The following PCM1 variants were observed in gnomAD, a reference collection of about 807,000 sequenced individuals.
PCM1 encodes pericentriolar material 1, also known as pericentriolar material 1 protein.
In PCM1, 157 loss-of-function variants were observed where a neutral mutation model predicts 241.9. That is an observed-to-expected ratio of 0.65 (90% confidence interval 0.57 to 0.74). PCM1 has a LOEUF of 0.74. Ranked by LOEUF, PCM1 falls within the 30% of genes least tolerant of loss-of-function variation. PCM1 has a pLI of 0.00. For missense variants in PCM1, 3,478 were observed against 2,360.1 expected (o/e 1.47, Z -9.81); for synonymous variants, 1,085 against 784.9 (o/e 1.38, Z -6.39).
chr8:17,972,117 G>T (rs778445825), intron 22 of PCM1, among the ~76,000 whole-genome samples: 1 of 152,170 alleles, frequency 6.6e-6, no homozygotes, highest in Non-Finnish European at 1.5e-5. Context: ...AGTAAAAGTG[G>T]TTTAGTGAGA....
At chr8:18,011,086 ACTT>A in intron 32 of PCM1, 148 bp from the exon 33 acceptor site, 1 of 531,136 alleles carries the variant, frequency 1.9e-6, no homozygotes, top group Non-Finnish European at 3.1e-6. Context: ...TTTTCCTGAC[ACTT>A]TTTTATTTTA....
In PCM1 at chr8:18,011,467, A is replaced by G. The variant is rs528491646; in HGVS notation, c.5350+101A>G. The G allele has an allele frequency of 2.2e-5, 26 of 1,184,806 alleles. No homozygotes were observed. The African/African-American group carries it at 3.3e-4, about 15-fold the overall frequency. 73.4% of individuals were successfully genotyped at this position (1,184,806 alleles called of 1,614,324 possible). A position where few individuals can be genotyped will look rare whatever the true frequency, so the allele number is the denominator to read the frequency against. ...GTAACAAGTATAAAATTAAGTGTCA[A>G]AGAACTCTGATTTTGAATTTCACTG... On this transcript the variant is annotated intron_variant, in intron 33 of 38. Coordinates refer to ENST00000325083, the MANE Select transcript of PCM1 (RefSeq NM_006197.4).
chr8:17,952,588 A>G (rs749956285), intron 8 of PCM1, among the ~76,000 whole-genome samples: 1 of 152,216 alleles, frequency 6.6e-6, no homozygotes, highest in Non-Finnish European at 1.5e-5. Context: ...AAAATATAAC[A>G]GCTATTTACA....
chr8:18,004,567 TAA>T (rs1378214905), intron 29 of PCM1, among the ~76,000 whole-genome samples: 3 of 152,208 alleles, frequency 2.0e-5, no homozygotes, highest in Non-Finnish European at 4.4e-5. Flanking sequence ...CTGAGGCCAG[TAA>T]AGAGTAGAAC....
chr8:17,967,309 T>C (rs2075247695), intron 21 of PCM1, 139 bp downstream of exon 21: 1 of 626,154 alleles, frequency 1.6e-6, no homozygotes. Flanking sequence ...CAAACTCTTT[T>C]TTTTTTTTTT....
intron 1 of PCM1, among the ~76,000 whole-genome samples, 188 bp downstream of exon 1, chr8:17,923,376 G>A (rs571298931): frequency 6.6e-6 from 1 of 152,340 alleles, no homozygotes; most frequent in African/African-American, 2.4e-5. Flanking sequence ...GCTCCCTCAG[G>A]ACTGATCGCC....
rs1423576232 is a variant in PCM1, at chr8:17,938,807, A to G, written c.410A>G (p.Asn137Ser). The stretch of plus-strand genomic sequence containing the variant: ...AACAACAAACGTCAGCTTAGTGAAA[A>G]CCGAAAGCCCTTCAACTTTTTGCCT... ...AANNKRQLSENRKPFNFLPMQ... is the reference protein window; with the variant it reads ...AANNKRQLSESRKPFNFLPMQ... The change falls in exon 5 of 39, where the codon AAC (asparagine) becomes AGC (serine). Residue 137 changes from asparagine to serine, a missense_variant. Physicochemically the swap from Asn to Ser is conservative, Grantham distance 46. Transcript: ENST00000325083. 6.2e-7 allele frequency: 1 copy of G among 1,613,226 alleles called. No individual in the cohort carries two copies. Among genetic ancestry groups the G allele is most frequent in the South Asian group, 1.1e-5 (1 of 91,078 alleles).
At chr8:17,970,103 A>G (rs1412225919) in intron 22 of PCM1, among the ~76,000 whole-genome samples, 1 of 152,020 alleles carries the variant, frequency 6.6e-6, no homozygotes, top group African/African-American at 2.4e-5. Context: ...TTTGATTCCT[A>G]GCTCTTGATT....
chr8:17,976,038 C>T (rs2078650883), intron 23 of PCM1, among the ~76,000 whole-genome samples: 1 of 152,160 alleles, frequency 6.6e-6, no homozygotes, highest in Non-Finnish European at 1.5e-5. Flanking sequence ...TGTTAAGGTA[C>T]AGCCTTCTGG....
At chr8:18,026,356 C>T (rs1216085039) in intron 38 of PCM1, among the ~76,000 whole-genome samples, 12 of 146,204 alleles carry the variant, frequency 8.2e-5, no homozygotes, top group East Asian at 2.1e-4. Context: ...CTCCCAGGTT[C>T]GCGCCATTCT....
rs1241299705 is a variant in PCM1, at chr8:17,991,683, C to G, written c.4673C>G (p.Thr1558Arg). Residue 1558 changes from threonine to arginine, a missense_variant, in exon 28 of 39, where the codon ACA (threonine) becomes AGA (arginine). Transcript: ENST00000325083. ...GGAGATGGTGCTGGTGCAGGTACTACAGTTAATAATTTAGAAGGTATATAT... is the reference window on the plus strand; with the variant it reads ...GGAGATGGTGCTGGTGCAGGTACTAGAGTTAATAATTTAGAAGGTATATAT... Reference protein sequence around the residue: ...EDGDGAGAGTTVNNLEETPVI... With the variant: ...EDGDGAGAGTRVNNLEETPVI... 6.4e-7 allele frequency: 1 copy of G among 1,551,486 alleles called. No individual in the cohort carries two copies. Among genetic ancestry groups the G allele is most frequent in the African/African-American group, 1.4e-5 (1 of 73,092 alleles).
intron 36 of PCM1, among the ~76,000 whole-genome samples, chr8:18,016,174 C>A (rs2093168830): frequency 6.6e-6 from 1 of 152,292 alleles, no homozygotes; most frequent in East Asian, 1.9e-4. Context: ...AGGCGTGAGC[C>A]ACCGCACCCA....
intron 36 of PCM1, among the ~76,000 whole-genome samples, chr8:18,018,132 T>G (rs2093402119): frequency 6.6e-6 from 1 of 152,180 alleles, no homozygotes; most frequent in Non-Finnish European, 1.5e-5. Flanking sequence ...TAAATGACAG[T>G]TGGACTAATC....
At chr8:17,994,617 CTG>C (rs1160223827) in intron 29 of PCM1, among the ~76,000 whole-genome samples, 13 of 152,182 alleles carry the variant, frequency 8.5e-5, no homozygotes, top group Admixed American at 5.9e-4. Context: ...AACTTCCAAA[CTG>C]TTCTCCAGAG....
At chr8:17,960,682 G>C (rs541555009) in intron 15 of PCM1, among the ~76,000 whole-genome samples, 39 of 151,910 alleles carry the variant, frequency 2.6e-4, no homozygotes, top group African/African-American at 8.9e-4. Context: ...CCGCCACCAT[G>C]CCTGGCTAAT....
At chr8:17,989,220 A>T (rs1486212825) in intron 26 of PCM1, among the ~76,000 whole-genome samples, 2 of 152,014 alleles carry the variant, frequency 1.3e-5, no homozygotes, top group African/African-American at 4.8e-5. Context: ...CATTTGTATG[A>T]AGTTCTACAA....
intron 10 of PCM1, 53 bp downstream of exon 10, chr8:17,955,706 C>CT: frequency 7.6e-7 from 1 of 1,322,516 alleles, no homozygotes; most frequent in East Asian, 2.3e-5. Flanking sequence ...GGGATAAATT[C>CT]TGTTTTTTTT....
Position 17,993,473 on chromosome 8 carries a change from T to C in PCM1, c.4691-10T>C, listed in dbSNP as rs1470665290. On this transcript the variant is annotated splice_polypyrimidine_tract_variant and intron_variant, in intron 28 of 38. Coordinates refer to ENST00000325083, the MANE Select transcript of PCM1 (RefSeq NM_006197.4). The stretch of plus-strand genomic sequence containing the variant: ...TTGTTAGGCTAATGTATTTTCTTTT[T>C]AAAAATTAGAAACTCCCGTTATTGA... The C allele has an allele frequency of 1.3e-6, 2 of 1,540,454 alleles. No individual in the cohort carries two copies. Among genetic ancestry groups the C allele is most frequent in the Non-Finnish European group, 1.7e-6 (2 of 1,144,186 alleles).
intron 2 of PCM1, among the ~76,000 whole-genome samples, chr8:17,930,679 C>G (rs1419882274): frequency 6.6e-6 from 1 of 151,836 alleles, no homozygotes; most frequent in Non-Finnish European, 1.5e-5. Context: ...GAGATGGAGA[C>G]CATCCTGGCT....
Sources: gnomAD v4.1 joint callset for allele counts (sites outside exome capture counted in the v4.1 genomes callset) on GRCh38, gnomAD v4.1.1 for gene constraint, MANE v1.5 for transcripts, NCBI Gene and HGNC (gene_info 2026-07-23, HGNC 2026-07-21) for gene names.